The following EVC2 variants were observed in gnomAD, a reference collection of about 807,000 sequenced individuals.
EVC2 encodes the protein EvC ciliary complex subunit 2.
A neutral mutation model predicts 149.3 loss-of-function variants in EVC2; 148 were observed. That is an observed-to-expected ratio of 0.99 (90% CI 0.87 to 1.14). The LOEUF (loss-of-function observed/expected upper bound fraction) is 1.14. Ranked by LOEUF, EVC2 falls within the 50% of genes most tolerant of loss-of-function variation. The pLI is 0.00. For synonymous variants in EVC2, 776 were observed against 649.9 expected (o/e 1.19, Z -2.95); for missense variants, 1,854 against 1,627.3 (o/e 1.14, Z -2.40).
At chr4:5,639,437 CA>C (rs1442978769) in intron 10 of EVC2, among the ~76,000 whole-genome samples, 4 of 152,354 alleles carry the variant, frequency 2.6e-5, no homozygotes, top group African/African-American at 9.6e-5. Flanking sequence ...GATTTCTGAG[CA>C]ATCTAGGCCA....
At chr4:5,680,228 CAAT>C in intron 7 of EVC2, among the ~76,000 whole-genome samples, 2 of 152,216 alleles carry the variant, frequency 1.3e-5, no homozygotes, top group African/African-American at 4.8e-5. Flanking sequence ...TCTAAAATAA[CAAT>C]AAAAAGTATG....
Position 5,620,562 on chromosome 4 carries a change from T to C in EVC2, c.2502-1880A>G, listed in dbSNP as rs1473440610. ...CTAAAAATGTGTTTCAAATCTATTG[T>C]GCAAAACCATTTTTGCATAATGCCT... On this transcript the variant is annotated intron_variant, in intron 14 of 21. Transcript: ENST00000344408. 2.0e-5 allele frequency among the ~76,000 whole-genome samples: 3 copies of C among 152,364 alleles called. No homozygotes were observed. The East Asian group carries it at 5.8e-4, about 29-fold the overall frequency.
chr4:5,699,756 G>A (rs373890757), intron 1 of EVC2, among the ~76,000 whole-genome samples: 15 of 151,928 alleles, frequency 9.9e-5, no homozygotes, highest in Admixed American at 5.9e-4. Flanking sequence ...CCAGGAGGTC[G>A]AGGCTGCAGT....
At position 5,640,979 on chromosome 4, in the gene EVC2, C is replaced by A; in HGVS notation, c.1146-141G>T. 8.4e-6 allele frequency: 8 copies of A among 947,704 alleles called. No homozygotes were observed. The highest frequency in any genetic ancestry group is 1.1e-5 in the Non-Finnish European group (7 of 614,684). The allele number at this position is 947,704 out of a possible 1,614,324, so 58.7% of individuals were successfully genotyped here. A position where few individuals can be genotyped will look rare whatever the true frequency, so the allele number is the denominator to read the frequency against. ...CTTTTCTTCCTTTCCCCGCTCACTT[C>A]TGCTTCATCCAGTTATTGAAGGCCA... On this transcript the variant is annotated intron_variant, in intron 9 of 21. Coordinates refer to ENST00000344408, the MANE Select transcript of EVC2 (RefSeq NM_147127.5). This position sits in a 1 kb window ranked among gnomAD's most constrained non-coding sequence, Gnocchi z 4.6.
At chr4:5,688,015 G>A (rs16837564) in intron 5 of EVC2, among the ~76,000 whole-genome samples, 20,467 of 152,184 alleles carry the variant, frequency 0.13, 1,546 homozygotes, top group African/African-American at 0.2. Flanking sequence ...TGCTCTGCTC[G>A]TGGCTCCATG....
intron 5 of EVC2, among the ~76,000 whole-genome samples, chr4:5,688,151 G>C (rs1009724062): frequency 6.6e-6 from 1 of 152,148 alleles, no homozygotes; most frequent in Non-Finnish European, 1.5e-5. Context: ...TTAAATGAGA[G>C]CCAGCAAAAA....
At chr4:5,629,601 G>A (rs1265243046) in intron 11 of EVC2, among the ~76,000 whole-genome samples, 1 of 152,218 alleles carries the variant, frequency 6.6e-6, no homozygotes, top group Non-Finnish European at 1.5e-5. Flanking sequence ...TTGTTCAACA[G>A]GGAACATAGG....
chr4:5,594,654 G>C (rs1202259614), intron 16 of EVC2, among the ~76,000 whole-genome samples: 2 of 152,118 alleles, frequency 1.3e-5, no homozygotes, highest in Admixed American at 6.5e-5. Flanking sequence ...AACTCTAAAA[G>C]CAGAGCGCCT....
chr4:5,663,374 A>C, intron 8 of EVC2, 128 bp from the exon 9 acceptor site: 2 of 1,267,170 alleles, frequency 1.6e-6, no homozygotes, highest in Non-Finnish European at 2.3e-6. Context: ...CTGTGACCAC[A>C]GTAAACCCAG....
At chr4:5,656,180 C>G (rs1161170253) in intron 9 of EVC2, among the ~76,000 whole-genome samples, 4 of 152,194 alleles carry the variant, frequency 2.6e-5, no homozygotes, top group Admixed American at 6.5e-5. Context: ...AGTCAGAAGA[C>G]CTGGGTTTGA....
chr4:5,685,009 G>C (rs2151727716), intron 6 of EVC2, among the ~76,000 whole-genome samples: 1 of 152,310 alleles, frequency 6.6e-6, no homozygotes, highest in South Asian at 2.1e-4. Context: ...TTTAAGTCTA[G>C]TCTGTGGTAC....
At chr4:5,663,063 A>G (rs1719006718) in intron 9 of EVC2, 44 bp downstream of exon 9, 1 of 1,612,258 alleles carries the variant, frequency 6.2e-7, no homozygotes, top group Non-Finnish European at 8.5e-7. Flanking sequence ...TCGTTAAAAC[A>G]TTCATCACAT....
intron 16 of EVC2, among the ~76,000 whole-genome samples, chr4:5,596,392 A>T (rs999718457): frequency 1.3e-5 from 2 of 152,234 alleles, no homozygotes; most frequent in African/African-American, 2.4e-5. Context: ...GTGCAATCAA[A>T]CTAGAACTCA....
At chr4:5,673,437 T>C (rs1719790050) in intron 7 of EVC2, among the ~76,000 whole-genome samples, 1 of 152,204 alleles carries the variant, frequency 6.6e-6, no homozygotes, top group Non-Finnish European at 1.5e-5. Context: ...ATCATACTTC[T>C]GAGATTCCCT....
chr4:5,535,045 T>TTAAAGA, the EVC2 span, among the ~76,000 whole-genome samples: 1 of 152,070 alleles, frequency 6.6e-6, no homozygotes, highest in Non-Finnish European at 1.5e-5. The surrounding 1 kb of genome is among the most constrained non-coding windows in gnomAD (Gnocchi z 4.7). Flanking sequence ...AGGCAGAGGT[T>TTAAAGA]CCCTCAATAC....
At chr4:5,708,857 A>G (rs1722392808), upstream of EVC2, 2 of 225,786 alleles carry the variant, frequency 8.9e-6, no homozygotes, top group East Asian at 8.7e-5. Context: ...GCTCAGACGC[A>G]CTTCCCCTGG....
intron 16 of EVC2, among the ~76,000 whole-genome samples, chr4:5,599,772 T>C (rs956386486): frequency 6.6e-6 from 1 of 152,072 alleles, no homozygotes; most frequent in Admixed American, 6.6e-5. Flanking sequence ...CTGTTAAAAA[T>C]CAGGTTAGTC....
chr4:5,576,498 G>T lies in EVC2; in HGVS notation c.3058-44C>A. 1.3e-6 allele frequency: 2 copies of T among 1,545,006 alleles called. No individual in the cohort carries two copies. Among genetic ancestry groups the T allele is most frequent in the South Asian group, 2.4e-5 (2 of 84,838 alleles). ...GAGGGTAAGCACCACTGCACAAGGC[G>T]GGTGGGGTGGAGGACAAAATCTGAC... On this transcript the variant is annotated intron_variant, in intron 17 of 21. Coordinates refer to ENST00000344408, the MANE Select transcript of EVC2 (RefSeq NM_147127.5). The surrounding 1 kb of genome is among the most constrained non-coding windows in gnomAD (Gnocchi z 4.5).
chr4:5,641,651 TA>T (rs1336820183), intron 9 of EVC2, among the ~76,000 whole-genome samples: 1 of 152,016 alleles, frequency 6.6e-6, no homozygotes, highest in Non-Finnish European at 1.5e-5. Flanking sequence ...GAAAGCTACA[TA>T]GAAAAAAATT....
Sources: allele counts gnomAD v4.1 joint callset (sites outside exome capture counted in the v4.1 genomes callset), GRCh38; gene constraint gnomAD v4.1.1; non-coding constraint Gnocchi (gnomAD v3.1); transcripts MANE v1.5; gene names NCBI Gene and HGNC (gene_info 2026-07-23, HGNC 2026-07-21).